The following NEGR1 variants were observed in gnomAD, a reference collection of about 807,000 sequenced individuals.
NEGR1 encodes the protein IgLON family member 4.
A neutral mutation model predicts 40.9 loss-of-function variants in NEGR1; 10 were observed. The observed-to-expected ratio is 0.24, with a 90% CI of 0.15 to 0.42. NEGR1 has a LOEUF of 0.42. Ranked by LOEUF, NEGR1 falls within the 10% of genes least tolerant of loss-of-function variation. The pLI, the probability that NEGR1 is intolerant of heterozygous loss-of-function variation, is 1.00. For synonymous variants in NEGR1, 185 were observed against 166.8 expected (o/e 1.11, Z -0.84); for missense variants, 352 against 438.9 (o/e 0.80, Z 1.77).
At chr1:72,239,384 C>T (rs1021264422) in intron 1 of NEGR1, among the ~76,000 whole-genome samples, 40 of 151,788 alleles carry the variant, frequency 2.6e-4, no homozygotes, top group African/African-American at 9.2e-4. Context: ...CTTCAAACAA[C>T]CACTGTGCTG....
chr1:72,229,554 AATATATAATTT>A (rs1402921918), intron 1 of NEGR1, among the ~76,000 whole-genome samples: 1 of 150,314 alleles, frequency 6.7e-6, no homozygotes, highest in African/African-American at 2.4e-5. Flanking sequence ...CAATATATAT[AATATATAATTT>A]TCCAGATTAT....
At chr1:71,500,893 T>C (rs1048160693) in intron 6 of NEGR1, among the ~76,000 whole-genome samples, 3 of 152,084 alleles carry the variant, frequency 2.0e-5, no homozygotes, top group Admixed American at 1.3e-4. Flanking sequence ...TATTATAATT[T>C]ATGTTTTGTT....
chr1:71,620,969 T>C (rs1650590447), intron 4 of NEGR1, among the ~76,000 whole-genome samples: 1 of 151,884 alleles, frequency 6.6e-6, no homozygotes. Context: ...AATAAAATAA[T>C]TTAAGGAAAA....
intron 1 of NEGR1, among the ~76,000 whole-genome samples, chr1:71,965,276 A>G (rs1466371734): frequency 6.6e-6 from 1 of 152,182 alleles, no homozygotes; most frequent in Non-Finnish European, 1.5e-5. Context: ...GAACCAGGGA[A>G]TAAAACCTGA....
intron 2 of NEGR1, among the ~76,000 whole-genome samples, chr1:71,870,464 T>C (rs963900255): frequency 1.3e-5 from 2 of 152,088 alleles, no homozygotes; most frequent in African/African-American, 4.8e-5. Context: ...AAAATGACCA[T>C]TGCTCAAAGA....
chr1:71,919,610 T>A (rs1645682163), intron 2 of NEGR1, among the ~76,000 whole-genome samples: 1 of 152,068 alleles, frequency 6.6e-6, no homozygotes, highest in East Asian at 1.9e-4. Context: ...TCTCGTTGAT[T>A]TTTTGGTTAG....
At chr1:71,747,901 A>T (rs1655440843) in intron 3 of NEGR1, among the ~76,000 whole-genome samples, 1 of 152,018 alleles carries the variant, frequency 6.6e-6, no homozygotes, top group Admixed American at 6.6e-5. Context: ...TTAGGGAAAA[A>T]AATAGAGTTA....
chr1:72,052,245 A>G (rs975480), intron 1 of NEGR1, among the ~76,000 whole-genome samples: 88,909 of 151,142 alleles, frequency 0.59, 26,560 homozygotes, highest in African/African-American at 0.69. Context: ...ATTATTCCAG[A>G]AAAATGCCTT....
chr1:71,720,202 G>T (rs1042268913), intron 3 of NEGR1, among the ~76,000 whole-genome samples: 5 of 152,136 alleles, frequency 3.3e-5, no homozygotes, highest in African/African-American at 1.2e-4. Context: ...GAACAATGTT[G>T]TAATAGTGTA....
At chr1:71,447,001 A>C (rs1646586955) in intron 6 of NEGR1, among the ~76,000 whole-genome samples, 1 of 152,218 alleles carries the variant, frequency 6.6e-6, no homozygotes, top group Non-Finnish European at 1.5e-5. Context: ...TTACAGTATA[A>C]GTTTCCACTG....
intron 3 of NEGR1, among the ~76,000 whole-genome samples, chr1:71,768,205 C>G (rs1656196141): frequency 6.6e-6 from 1 of 152,138 alleles, no homozygotes; most frequent in Admixed American, 6.5e-5. Flanking sequence ...CCACTGACAG[C>G]TTGTACCCTA....
At chr1:71,879,363 A>C (rs1488144762) in intron 2 of NEGR1, among the ~76,000 whole-genome samples, 1 of 152,198 alleles carries the variant, frequency 6.6e-6, no homozygotes, top group Non-Finnish European at 1.5e-5. Flanking sequence ...TGGCCTGCAG[A>C]TAATTTGTTA....
At chr1:71,607,950 G>T (rs936880256) in intron 5 of NEGR1, among the ~76,000 whole-genome samples, 11 of 152,298 alleles carry the variant, frequency 7.2e-5, no homozygotes, top group African/African-American at 2.4e-4. Context: ...GCCTTCCAAA[G>T]TTCTGGGATT....
At chr1:72,177,651 AAAC>A (rs1292128899) in intron 1 of NEGR1, among the ~76,000 whole-genome samples, 3 of 152,032 alleles carry the variant, frequency 2.0e-5, no homozygotes, top group Admixed American at 6.6e-5. Context: ...CCTTTTAGAA[AAAC>A]AACACCACCA....
In NEGR1 at chr1:71,837,444, A is replaced by C. The variant is rs192110212; in HGVS notation, c.410-61147T>G. Among the ~76,000 whole-genome samples, 290 of 152,272 alleles carry C rather than the reference A, an allele frequency of 1.9e-3. 2 individuals are homozygous for C. Among genetic ancestry groups the C allele is most frequent in the African/African-American group, 6.5e-3 (269 of 41,578 alleles). On this transcript the variant is annotated intron_variant, in intron 2 of 6. Transcript: ENST00000357731. ...TAGTGTGAAAATAACTTGAACACTG[A>C]CATGGTATTTCTCTTTAGACTTTTT...
At chr1:72,196,276 C>CA in intron 1 of NEGR1, among the ~76,000 whole-genome samples, 1 of 152,032 alleles carries the variant, frequency 6.6e-6, no homozygotes, top group South Asian at 2.1e-4. Context: ...CTGTATATTG[C>CA]AAAAATTTCA....
chr1:71,896,125 C>T (rs1245277101), intron 2 of NEGR1, among the ~76,000 whole-genome samples: 1 of 150,372 alleles, frequency 6.7e-6, no homozygotes, highest in Non-Finnish European at 1.5e-5. Flanking sequence ...GCAACCTCCT[C>T]CTCCCGAGCT....
At chr1:72,264,414 A>G (rs2100549385) in intron 1 of NEGR1, among the ~76,000 whole-genome samples, 1 of 151,280 alleles carries the variant, frequency 6.6e-6, no homozygotes, top group East Asian at 1.9e-4. Flanking sequence ...TTTAAATTTA[A>G]ATTTAAAATT....
At chr1:71,722,752 T>C (rs2101655094) in intron 3 of NEGR1, among the ~76,000 whole-genome samples, 1 of 152,242 alleles carries the variant, frequency 6.6e-6, no homozygotes, top group Admixed American at 6.5e-5. Flanking sequence ...TATTTAGAAA[T>C]AACCATAATA....
Sources: gnomAD v4.1 joint callset for allele counts (sites outside exome capture counted in the v4.1 genomes callset) on GRCh38, gnomAD v4.1.1 for gene constraint, MANE v1.5 for transcripts, NCBI Gene and HGNC (gene_info 2026-07-23, HGNC 2026-07-21) for gene names.